The following KCTD14 variants were observed in gnomAD, a reference collection of about 807,000 sequenced individuals.
KCTD14 encodes the protein potassium channel tetramerization domain containing 14.
In KCTD14, 7 loss-of-function variants were observed where a neutral mutation model predicts 5.9. The ratio of observed to expected loss-of-function variants is 1.19; its 90% confidence interval spans 0.68 to 2.23. The LOEUF (loss-of-function observed/expected upper bound fraction) is 2.23. Among genes scored for constraint, KCTD14 ranks in the 30% most tolerant of loss-of-function variants. The pLI, the probability that KCTD14 is intolerant of heterozygous loss-of-function variation, is 0.00. For synonymous variants in KCTD14, 140 were observed against 133.1 expected, an observed-to-expected ratio of 1.05 and a Z score of -0.36; for missense variants, 342 against 332.2, an observed-to-expected ratio of 1.03 and a Z score of -0.23.
chr11:78,023,357 T>G, upstream of KCTD14: 1 of 1,024,758 alleles, frequency 9.8e-7, no homozygotes, highest in Non-Finnish European at 1.5e-6. Context: ...GCAGTGAGAC[T>G]GGGCCAAGTG....
intron 2 of KCTD14, among the ~76,000 whole-genome samples, chr11:78,032,808 A>G (rs1425676608): frequency 6.8e-6 from 1 of 148,026 alleles, no homozygotes. Flanking sequence ...AGGCTCAACC[A>G]TGTCACCCCC....
chr11:78,028,133 T>C (rs536786489), upstream of KCTD14, among the ~76,000 whole-genome samples: 1 of 152,268 alleles, frequency 6.6e-6, no homozygotes, highest in East Asian at 1.9e-4. Context: ...TATATACCCT[T>C]GATGTGATGT....
chr11:78,022,723 G>GC (rs747167127), intron 1 of KCTD14, among the ~76,000 whole-genome samples: 3 of 152,156 alleles, frequency 2.0e-5, no homozygotes, highest in Non-Finnish European at 2.9e-5. Context: ...CAGCCAAGGG[G>GC]CAGGGGCAGG....
intron 1 of KCTD14, among the ~76,000 whole-genome samples, chr11:78,020,267 C>A (rs530153171): frequency 3.9e-4 from 59 of 152,306 alleles, no homozygotes; most frequent in Admixed American, 2.6e-3. Context: ...GGGGACAGGG[C>A]TCAGGAATGT....
upstream of KCTD14, among the ~76,000 whole-genome samples, chr11:78,025,116 GTGTATATATATATATATATA>G (rs1473222745): frequency 6.9e-4 from 47 of 68,556 alleles, no homozygotes; most frequent in African/African-American, 2.6e-3. Context: ...GTGTGTGTGT[GTGTATATATATATATATATA>G]TATATATATA....
chr11:78,019,441 C>T (rs1461983467), intron 1 of KCTD14, among the ~76,000 whole-genome samples: 1 of 152,080 alleles, frequency 6.6e-6, no homozygotes, highest in Non-Finnish European at 1.5e-5. Flanking sequence ...CTCAGCCTCC[C>T]AAGTAGATGG....
intron 1 of KCTD14, among the ~76,000 whole-genome samples, chr11:78,021,005 A>G (rs969903478): frequency 6.6e-6 from 1 of 152,192 alleles, no homozygotes; most frequent in African/African-American, 2.4e-5. Context: ...TAATTTCCAG[A>G]TGCTTCAAAA....
intron 2 of KCTD14, among the ~76,000 whole-genome samples, chr11:78,036,329 A>T (rs1208230855): frequency 3.3e-5 from 5 of 152,244 alleles, no homozygotes; most frequent in Non-Finnish European, 7.3e-5. Context: ...TCAAACTGGG[A>T]CAAGAGGGGA....
At chr11:78,023,134 G>T (rs371281919) in intron 1 of KCTD14, 26 bp downstream of exon 1, 2 of 1,452,696 alleles carry the variant, frequency 1.4e-6, no homozygotes, top group East Asian at 2.5e-5. Context: ...ACAGAGGCGC[G>T]GGGACGCAGC....
chr11:78,029,373 G>T (rs1045465130), intron 2 of KCTD14, among the ~76,000 whole-genome samples: 1 of 152,060 alleles, frequency 6.6e-6, no homozygotes, highest in African/African-American at 2.4e-5. Flanking sequence ...GAAACCTCCC[G>T]GTTATGGGCA....
chr11:78,031,854 T>C (rs1439439599), intron 2 of KCTD14, among the ~76,000 whole-genome samples: 1 of 152,216 alleles, frequency 6.6e-6, no homozygotes, highest in Non-Finnish European at 1.5e-5. Context: ...GGTTTCACAG[T>C]GTGACCAGTG....
Position 78,016,882 on chromosome 11 carries a change from G to T in KCTD14, c.479C>A (p.Ala160Asp), listed in dbSNP as rs1379279336. The change falls in exon 2 of 2, where the codon GCC becomes GAC. Residue 160 changes from alanine to aspartate, a missense_variant. Transcript: ENST00000353172. ...ELMVRLARAEAITARKSSVLV... is the reference protein window; with the variant it reads ...ELMVRLARAEDITARKSSVLV... The stretch of plus-strand genomic sequence containing the variant: ...CACGCTGGACTTCCGTGCTGTTATG[G>T]CTTCTGCACGTGCCAGGCGCACCAT... 1 of 1,614,086 alleles carries T rather than the reference G, an allele frequency of 6.2e-7. No individual in the cohort carries two copies. Among genetic ancestry groups the T allele is most frequent in the Admixed American group, 1.7e-5 (1 of 60,020 alleles).
At chr11:78,022,241 C>T (rs150774871) in intron 1 of KCTD14, among the ~76,000 whole-genome samples, 2,358 of 152,012 alleles carry the variant, frequency 0.016, 36 homozygotes, top group Middle Eastern at 0.044. Context: ...ATGGCGAGAC[C>T]CCATCTCTAT....
chr11:78,038,398 C>T (rs931385067), intron 2 of KCTD14, among the ~76,000 whole-genome samples: 1 of 152,204 alleles, frequency 6.6e-6, no homozygotes, highest in African/African-American at 2.4e-5. Context: ...TTTTCTGGTG[C>T]CCAGGACCAC....
chr11:78,016,933 G>C lies in KCTD14; in HGVS notation c.428C>G (p.Pro143Arg). The C allele has an allele frequency of 1.2e-6, 2 of 1,614,198 alleles. No homozygotes were observed. The highest frequency in any genetic ancestry group is 1.1e-5 in the South Asian group (1 of 91,084). Residue 143 changes from proline to arginine, a missense_variant, in exon 2 of 2, where the codon CCG becomes CGG. By Grantham distance (103) the Pro-to-Arg change is moderately radical. Coordinates refer to ENST00000353172, the MANE Select transcript of KCTD14 (RefSeq NM_023930.4). Reference sequence around the variant, plus strand: ...GAGCTCCAGGTTCTCGCTGTAGCCCGGCACTTGCAGCAAAAACTGCTTCCG... The same window carrying C: ...GAGCTCCAGGTTCTCGCTGTAGCCCCGCACTTGCAGCAAAAACTGCTTCCG... ...VSRKQFLLQV[P>R]GYSENLELMV...
intron 1 of KCTD14, among the ~76,000 whole-genome samples, chr11:78,022,454 T>C (rs1389947180): frequency 6.6e-6 from 1 of 152,112 alleles, no homozygotes; most frequent in African/African-American, 2.4e-5. Flanking sequence ...GCATGTGGCT[T>C]TGTCAATAGC....
At position 78,016,552 on chromosome 11, in the gene KCTD14, T is replaced by C. The variant is rs201591026; in HGVS notation, c.*41A>G. The C allele has an allele frequency of 6.5e-7, 1 of 1,534,116 alleles. No individual in the cohort carries two copies. The highest frequency in any genetic ancestry group is 1.4e-5 in the African/African-American group (1 of 72,460). ...GCTTTGATGGCAACTTTTAATTTCA[T>C]AAGCCACGCCAGAATTCATAACAGT... On this transcript the variant is annotated 3_prime_UTR_variant, in exon 2 of 2. Coordinates refer to ENST00000353172, the MANE Select transcript of KCTD14 (RefSeq NM_023930.4).
At chr11:78,032,058 C>A (rs1857635302) in intron 2 of KCTD14, among the ~76,000 whole-genome samples, 1 of 152,186 alleles carries the variant, frequency 6.6e-6, no homozygotes, top group Admixed American at 6.5e-5. Flanking sequence ...CTGGGAGCCT[C>A]ATATTCTTCA....
At chr11:78,031,247 T>C (rs1857605613) in intron 2 of KCTD14, among the ~76,000 whole-genome samples, 2 of 152,102 alleles carry the variant, frequency 1.3e-5, no homozygotes, top group South Asian at 4.2e-4. Context: ...GGTGTCTCAC[T>C]ATGTTGCCCA....
Sources: gnomAD v4.1 joint callset for allele counts (sites outside exome capture counted in the v4.1 genomes callset) on GRCh38, gnomAD v4.1.1 for gene constraint, MANE v1.5 for transcripts, NCBI Gene and HGNC (gene_info 2026-07-23, HGNC 2026-07-21) for gene names.